COL5A2: variants seen among roughly 807,000 people sequenced by gnomAD.
COL5A2 encodes the protein collagen type V alpha 2 chain, also known as collagen alpha-2(V) chain.
A neutral mutation model predicts 208.2 loss-of-function variants in COL5A2; 23 were observed. The ratio of observed to expected loss-of-function variants is 0.11; its 90% CI spans 0.08 to 0.16. COL5A2 has a LOEUF of 0.16. Ranked by LOEUF, COL5A2 falls within the 10% of genes least tolerant of loss-of-function variation. The pLI, the probability that COL5A2 is intolerant of heterozygous loss-of-function variation, is 1.00. For missense variants in COL5A2, 1,590 were observed against 1,956.4 expected, an observed-to-expected ratio of 0.81 and a Z score of 3.53; for synonymous variants, 625 against 628.5, an observed-to-expected ratio of 0.99 and a Z score of 0.08.
chr2:189,323,121 C>T, the COL5A2 span, among the ~76,000 whole-genome samples: 9 of 152,266 alleles, frequency 5.9e-5, no homozygotes, highest in African/African-American at 1.2e-4. Context: ...AATTCAAAAG[C>T]GCTTCATGCT....
At chr2:189,354,895 C>T in the COL5A2 span, among the ~76,000 whole-genome samples, 1 of 152,108 alleles carries the variant, frequency 6.6e-6, no homozygotes, top group African/African-American at 2.4e-5. Flanking sequence ...TAGATCTTTC[C>T]TGCTTTCTCT....
rs560735134 is a variant in COL5A2 at position 189,185,319 on chromosome 2, C to T, written c.-42+39829G>A. ...ATTACAGGCGTGAGCCCAGTGTGCC[C>T]GACCCTAATATGCTATTTTTTAAAA... On this transcript the variant is annotated intron_variant, in intron 1 of 10. Coordinates refer to the COL5A2 transcript ENST00000649966. Among the ~76,000 whole-genome samples, 32 of 152,140 alleles carry T rather than the reference C, an allele frequency of 2.1e-4. No individual in the cohort carries two copies. In the South Asian group the frequency reaches 6.0e-3, roughly 29 times the overall value.
chr2:189,408,228 AAAT>A, the COL5A2 span, among the ~76,000 whole-genome samples: 3 of 152,202 alleles, frequency 2.0e-5, no homozygotes, highest in Non-Finnish European at 2.9e-5. Context: ...ACTTCAGTAA[AAAT>A]AATAAGTTAT....
chr2:189,244,595 C>T, the COL5A2 span, among the ~76,000 whole-genome samples: 1 of 152,284 alleles, frequency 6.6e-6, no homozygotes, highest in Non-Finnish European at 1.5e-5. Context: ...ACCAACTCAG[C>T]CTGGATTTAA....
At chr2:189,340,773 G>C in the COL5A2 span, among the ~76,000 whole-genome samples, 1 of 152,116 alleles carries the variant, frequency 6.6e-6, no homozygotes, top group South Asian at 2.1e-4. Flanking sequence ...TTTGACTGAT[G>C]TCAGTGTTCA....
chr2:189,408,008 A>G, the COL5A2 span, among the ~76,000 whole-genome samples: 1 of 152,168 alleles, frequency 6.6e-6, no homozygotes, highest in Non-Finnish European at 1.5e-5. Flanking sequence ...AGTAGACTGC[A>G]TTACTTCAGG....
chr2:189,146,557 T>A (rs1016796777), intron 1 of COL5A2, among the ~76,000 whole-genome samples: 1 of 152,054 alleles, frequency 6.6e-6, no homozygotes, highest in Admixed American at 6.6e-5. Context: ...GTATTCAAAA[T>A]GATTAAGCCT....
intron 1 of COL5A2, among the ~76,000 whole-genome samples, chr2:189,118,206 T>C (rs1264006407): frequency 6.6e-6 from 1 of 151,984 alleles, no homozygotes; most frequent in African/African-American, 2.4e-5. Flanking sequence ...AGGAATATGA[T>C]GTATTATCAT....
the COL5A2 span, among the ~76,000 whole-genome samples, chr2:189,237,415 C>G: frequency 6.8e-6 from 1 of 147,922 alleles, no homozygotes; most frequent in East Asian, 2.0e-4. Context: ...AAAAAAAAGA[C>G]AGCTGGGCTC....
At chr2:189,207,985 T>C (rs1689162363) in intron 1 of COL5A2, among the ~76,000 whole-genome samples, 1 of 152,224 alleles carries the variant, frequency 6.6e-6, no homozygotes, top group Admixed American at 6.5e-5. Context: ...TGTTTTGCCT[T>C]GCTCTCCTCT....
chr2:189,255,527 A>G, the COL5A2 span, among the ~76,000 whole-genome samples: 8 of 152,212 alleles, frequency 5.3e-5, no homozygotes, highest in African/African-American at 1.9e-4. Flanking sequence ...CAGAAAGACT[A>G]CATTTATATT....
chr2:189,135,410 A>T (rs1687808746), intron 1 of COL5A2, among the ~76,000 whole-genome samples: 1 of 152,232 alleles, frequency 6.6e-6, no homozygotes, highest in African/African-American at 2.4e-5. Context: ...ATGAATCTGC[A>T]GAGTACATAT....
At chr2:189,435,067 A>C in the COL5A2 span, among the ~76,000 whole-genome samples, 2 of 152,148 alleles carry the variant, frequency 1.3e-5, no homozygotes, top group African/African-American at 4.8e-5. Flanking sequence ...CAGAAACAAG[A>C]AATGGGGAAA....
At chr2:189,173,616 GA>G in intron 1 of COL5A2, among the ~76,000 whole-genome samples, 1 of 152,122 alleles carries the variant, frequency 6.6e-6, no homozygotes, top group African/African-American at 2.4e-5. Context: ...AAGAAAACTA[GA>G]TTATCAGTAT....
chr2:189,109,107 T>C, intron 2 of COL5A2, among the ~76,000 whole-genome samples: 1 of 152,024 alleles, frequency 6.6e-6, no homozygotes, highest in Admixed American at 6.6e-5. Context: ...CTGTGCATAA[T>C]GCAATTGCCA....
At chr2:189,395,767 G>C in the COL5A2 span, among the ~76,000 whole-genome samples, 1 of 151,532 alleles carries the variant, frequency 6.6e-6, no homozygotes. Flanking sequence ...AATTAGCCAG[G>C]TGTGATGGCA....
At chr2:189,110,089 T>C in intron 2 of COL5A2, 136 bp downstream of exon 2, 1 of 714,568 alleles carries the variant, frequency 1.4e-6, no homozygotes, top group Non-Finnish European at 2.5e-6. Flanking sequence ...GCAAAATCAT[T>C]AATCATTAAC....
chr2:189,134,207 T>TA (rs1357204088), intron 1 of COL5A2, among the ~76,000 whole-genome samples: 1 of 152,134 alleles, frequency 6.6e-6, no homozygotes, highest in Middle Eastern at 3.2e-3. Flanking sequence ...TTTACAGAGT[T>TA]AGTTATAATC....
chr2:189,230,884 G>T, the COL5A2 span, among the ~76,000 whole-genome samples: 1 of 151,914 alleles, frequency 6.6e-6, no homozygotes, highest in Non-Finnish European at 1.5e-5. Context: ...AGAGATATTT[G>T]TATTCCCATA....
Sources: allele counts gnomAD v4.1 joint callset (sites outside exome capture counted in the v4.1 genomes callset), GRCh38; gene constraint gnomAD v4.1.1; transcripts MANE v1.5; gene names NCBI Gene and HGNC (gene_info 2026-07-23, HGNC 2026-07-21).